EFHD1: variants seen among roughly 807,000 people sequenced by gnomAD.
EFHD1 encodes EF-hand domain-containing protein D1.
Under a neutral mutation model 17.2 loss-of-function variants are expected in EFHD1, and 10 were observed. The ratio of observed to expected loss-of-function variants is 0.58; its 90% CI spans 0.36 to 0.99. The LOEUF (loss-of-function observed/expected upper bound fraction) is 0.99, where lower values mean the gene tolerates loss of function less well. Among genes scored for constraint, EFHD1 ranks in the 50% least tolerant of loss-of-function variants. The probability of loss-of-function intolerance (pLI) is 0.01; values close to 1 mark genes in which losing one functional copy is unlikely to be tolerated. For missense variants in EFHD1, 310 were observed against 327.5 expected, an observed-to-expected ratio of 0.95 and a Z score of 0.41; for synonymous variants, 153 against 142.0, an observed-to-expected ratio of 1.08 and a Z score of -0.55.
intron 1 of EFHD1, among the ~76,000 whole-genome samples, chr2:232,619,702 A>G (rs1265317763): frequency 6.6e-6 from 1 of 152,142 alleles, no homozygotes; most frequent in Non-Finnish European, 1.5e-5. Context: ...CAACACTAGG[A>G]AAGCTCTGGA....
chr2:232,623,736 A>G (rs558058821), intron 1 of EFHD1, among the ~76,000 whole-genome samples: 23 of 152,018 alleles, frequency 1.5e-4, no homozygotes, highest in Non-Finnish European at 2.6e-4. Flanking sequence ...AAGAAAAAAA[A>G]GAAATAGCTC....
At chr2:232,661,526 A>G (rs1424257557) in intron 1 of EFHD1, among the ~76,000 whole-genome samples, 1 of 146,702 alleles carries the variant, frequency 6.8e-6, no homozygotes, top group Middle Eastern at 3.4e-3. Flanking sequence ...AACATACTAT[A>G]TTTCATTGTA....
intron 1 of EFHD1, among the ~76,000 whole-genome samples, chr2:232,640,693 A>G (rs10192331): frequency 0.031 from 4,774 of 152,162 alleles, 242 homozygotes; most frequent in African/African-American, 0.11. Context: ...GAAGCCACCC[A>G]CCACCCACAT....
chr2:232,607,162 T>G (rs1218943324), intron 1 of EFHD1, among the ~76,000 whole-genome samples: 4 of 151,896 alleles, frequency 2.6e-5, no homozygotes, highest in Admixed American at 2.6e-4. Context: ...TGGCCCATTT[T>G]ATTTCTAAAT....
chr2:232,611,689 AC>A (rs1353170185), intron 1 of EFHD1: 3 of 152,298 alleles, frequency 2.0e-5, no homozygotes, highest in Non-Finnish European at 4.4e-5. Context: ...TATTCTGCCA[AC>A]AGGAAGCCTT....
At chr2:232,625,420 G>A (rs1173822676) in intron 1 of EFHD1, among the ~76,000 whole-genome samples, 2 of 151,916 alleles carry the variant, frequency 1.3e-5, no homozygotes, top group African/African-American at 4.8e-5. Context: ...GCAAGCCACC[G>A]TACCCGGTCT....
At chr2:232,671,290 T>G (rs980604017) in intron 2 of EFHD1, among the ~76,000 whole-genome samples, 1 of 146,656 alleles carries the variant, frequency 6.8e-6, no homozygotes, top group Non-Finnish European at 1.5e-5. Context: ...AAAAAAAAAA[T>G]TAGCCAGGTG....
chr2:232,675,640 C>T lies in EFHD1; in HGVS notation c.585+3197C>T, dbSNP rs116765935. On this transcript the variant is annotated intron_variant, in intron 3 of 3. Coordinates refer to ENST00000264059, the MANE Select transcript of EFHD1 (RefSeq NM_025202.4). ...GTTGAGTGTTTGAGCAGGGCCTTGACGTGATCGGGGTGGGCACTACCAGGA... is the reference window on the plus strand; with the variant it reads ...GTTGAGTGTTTGAGCAGGGCCTTGATGTGATCGGGGTGGGCACTACCAGGA... 2.4e-3 allele frequency among the ~76,000 whole-genome samples: 359 copies of T among 152,228 alleles called. 6 individuals carry two copies. In the East Asian group the frequency reaches 0.029, roughly 12 times the overall value.
intron 1 of EFHD1, among the ~76,000 whole-genome samples, chr2:232,658,472 ACGTTT>A (rs1694802064): frequency 6.6e-6 from 1 of 152,216 alleles, no homozygotes; most frequent in South Asian, 2.1e-4. Flanking sequence ...CTTGACAGTA[ACGTTT>A]CACAACTAAA....
At chr2:232,657,652 A>G (rs1315070054) in intron 1 of EFHD1, among the ~76,000 whole-genome samples, 1 of 151,834 alleles carries the variant, frequency 6.6e-6, no homozygotes, top group African/African-American at 2.4e-5. Flanking sequence ...TCTACTAAAA[A>G]TACAAAAAAT....
chr2:232,674,711 TGGAG>T (rs1441119181), intron 3 of EFHD1, among the ~76,000 whole-genome samples: 1 of 152,006 alleles, frequency 6.6e-6, no homozygotes, highest in Non-Finnish European at 1.5e-5. Context: ...GGATGACAAA[TGGAG>T]GGCATCGTCA....
intron 1 of EFHD1, among the ~76,000 whole-genome samples, chr2:232,609,846 C>A (rs1187806958): frequency 1.3e-5 from 2 of 152,204 alleles, no homozygotes; most frequent in Non-Finnish European, 2.9e-5. Context: ...TCTGCAGGGA[C>A]CCGGCCAGGG....
chr2:232,652,776 T>C (rs1694683659), intron 1 of EFHD1, among the ~76,000 whole-genome samples: 1 of 152,020 alleles, frequency 6.6e-6, no homozygotes, highest in Non-Finnish European at 1.5e-5. Context: ...GAGAAGCAGA[T>C]AGAATAGTGA....
intron 1 of EFHD1, among the ~76,000 whole-genome samples, chr2:232,627,803 A>G (rs1694135569): frequency 6.6e-6 from 1 of 152,108 alleles, no homozygotes; most frequent in South Asian, 2.1e-4. Context: ...GCTTATTATT[A>G]TATTATTTTT....
intron 2 of EFHD1, among the ~76,000 whole-genome samples, chr2:232,670,004 C>G (rs948456964): frequency 6.6e-6 from 1 of 152,136 alleles, no homozygotes; most frequent in African/African-American, 2.4e-5. Flanking sequence ...CTGGAGAGAG[C>G]CTCTTTCGAT....
upstream of EFHD1, among the ~76,000 whole-genome samples, chr2:232,630,560 G>C (rs1226864032): frequency 6.6e-6 from 1 of 152,200 alleles, no homozygotes; most frequent in African/African-American, 2.4e-5. Flanking sequence ...ACTGCTCACA[G>C]TATGCAAGCG....
intron 1 of EFHD1, among the ~76,000 whole-genome samples, chr2:232,646,812 A>G (rs1694538809): frequency 6.6e-6 from 1 of 152,214 alleles, no homozygotes; most frequent in Non-Finnish European, 1.5e-5. Context: ...CAGAGACAGA[A>G]TGTTCATGGC....
chr2:232,648,060 C>T (rs568534026), intron 1 of EFHD1, among the ~76,000 whole-genome samples: 4 of 152,142 alleles, frequency 2.6e-5, no homozygotes, highest in Admixed American at 1.3e-4. Context: ...AGCAACATGG[C>T]GAAACTCTGT....
chr2:232,640,399 G>C lies in EFHD1; in HGVS notation c.302+6393G>C, dbSNP rs1203793611. Among the ~76,000 whole-genome samples, 4 of 152,264 alleles carry C rather than the reference G, an allele frequency of 2.6e-5. No individual in the cohort carries two copies. In the East Asian group the frequency reaches 7.7e-4, roughly 29 times the overall value. ...TCTCCTCCAGTGTTCCCAGCTCTGG[G>C]CTTCTGTGGCCAGCACTGTCCATAT... is the stretch of plus-strand genomic sequence containing the variant. On this transcript the variant is annotated intron_variant, in intron 1 of 3. Transcript: ENST00000264059.
Sources: gnomAD v4.1 joint callset for allele counts (sites outside exome capture counted in the v4.1 genomes callset) on GRCh38, gnomAD v4.1.1 for gene constraint, MANE v1.5 for transcripts, NCBI Gene and HGNC (gene_info 2026-07-23, HGNC 2026-07-21) for gene names.